TNR: variants seen among roughly 807,000 people sequenced by gnomAD.
TNR encodes tenascin-R.
A neutral mutation model predicts 150.4 loss-of-function variants in TNR; 45 were observed. The ratio of observed to expected loss-of-function variants is 0.30; its 90% CI spans 0.24 to 0.38. The LOEUF (loss-of-function observed/expected upper bound fraction) is 0.38, where lower values mean the gene tolerates loss of function less well. Among genes scored for constraint, TNR ranks in the 10% least tolerant of loss-of-function variants. The pLI is 1.00. For missense variants in TNR, 1,544 were observed against 1,759.1 expected (o/e 0.88, Z 2.19); for synonymous variants, 687 against 678.4 (o/e 1.01, Z -0.20).
At chr1:175,535,564 T>C (rs7514033) in intron 1 of TNR, among the ~76,000 whole-genome samples, 98,419 of 151,552 alleles carry the variant, frequency 0.65, 32,243 homozygotes, top group Admixed American at 0.71. Flanking sequence ...GGGTTCACGC[T>C]ATTCTCCTGC....
intron 2 of TNR, among the ~76,000 whole-genome samples, chr1:175,495,371 G>A (rs895024126): frequency 2.0e-5 from 3 of 152,172 alleles, no homozygotes; most frequent in Non-Finnish European, 2.9e-5. Flanking sequence ...CACAGTGCCT[G>A]CTTCATAGTG....
chr1:175,552,248 G>T (rs886398046), intron 1 of TNR, among the ~76,000 whole-genome samples: 2 of 152,166 alleles, frequency 1.3e-5, no homozygotes, highest in African/African-American at 4.8e-5. Flanking sequence ...CCATGGTAGG[G>T]GTGGGAGGTG....
chr1:175,711,010 C>A (rs972032882), intron 1 of TNR, among the ~76,000 whole-genome samples: 1 of 152,068 alleles, frequency 6.6e-6, no homozygotes, highest in Non-Finnish European at 1.5e-5. Flanking sequence ...CTCTTACCTG[C>A]TAAGGAGGAA....
At chr1:175,362,289 T>C (rs1237961177) in intron 14 of TNR, among the ~76,000 whole-genome samples, 1 of 152,222 alleles carries the variant, frequency 6.6e-6, no homozygotes, top group African/African-American at 2.4e-5. Flanking sequence ...ATTCCATTAC[T>C]GGAATAACAA....
At chr1:175,736,211 C>T (rs1558097798) in intron 1 of TNR, among the ~76,000 whole-genome samples, 2 of 151,880 alleles carry the variant, frequency 1.3e-5, no homozygotes, top group South Asian at 4.1e-4. Flanking sequence ...ATTTAATTCT[C>T]ACAAAAAAAA....
intron 1 of TNR, among the ~76,000 whole-genome samples, chr1:175,533,267 C>A (rs965916077): frequency 1.3e-5 from 2 of 152,148 alleles, no homozygotes; most frequent in African/African-American, 4.8e-5. Context: ...TATTTCTTTA[C>A]GGGGTTGCTA....
At chr1:175,402,313 CAAAAAA>C (rs149037374) in intron 4 of TNR, among the ~76,000 whole-genome samples, 3 of 41,692 alleles carry the variant, frequency 7.2e-5, no homozygotes, top group African/African-American at 1.0e-4. Flanking sequence ...GACTCCGTCT[CAAAAAA>C]AAAAAAAAAA....
intron 2 of TNR, among the ~76,000 whole-genome samples, chr1:175,465,769 G>A (rs919774663): frequency 0.081 from 12 of 148 alleles, no homozygotes; most frequent in Admixed American, 0.22. Flanking sequence ...CACTGGCCCC[G>A]CAAAGGCAAG....
chr1:175,362,697 C>T lies in TNR; in HGVS notation c.2820G>A (p.Glu940=). 1 of 1,614,128 alleles carries T rather than the reference C, an allele frequency of 6.2e-7. No homozygotes were observed. The highest frequency in any genetic ancestry group is 1.1e-5 in the South Asian group (1 of 91,072). The change falls in exon 14 of 23, where the codon GAG becomes GAA. Residue 940 remains glutamate, a synonymous_variant. Coordinates refer to ENST00000367674, the MANE Select transcript of TNR (RefSeq NM_003285.3). ...EISLNSVRGR[E]ESERICTLVH... ...CAAGAGTACAGATGCGCTCGCTTTC[C>T]TCCCTGCCCCGCACGCTGTTGAGGC...
At chr1:175,600,948 C>T (rs1240784017) in intron 1 of TNR, among the ~76,000 whole-genome samples, 1 of 152,246 alleles carries the variant, frequency 6.6e-6, no homozygotes, top group African/African-American at 2.4e-5. Context: ...TGCATTTCCT[C>T]TGACAGTTCC....
chr1:175,670,375 T>C (rs1665661269), intron 1 of TNR, among the ~76,000 whole-genome samples: 1 of 152,018 alleles, frequency 6.6e-6, no homozygotes, highest in Non-Finnish European at 1.5e-5. Context: ...ACAGCATCCC[T>C]CAGAAGAGGG....
chr1:175,403,152 C>T lies in TNR; in HGVS notation c.964G>A (p.Asp322Asn). Reference protein sequence around the residue: ...CVCEEGYQGPDCSAVAPPEDL... With the variant: ...CVCEEGYQGPNCSAVAPPEDL... ...TTCCCCTGCCTACCTGCTGAGCAGT[C>T]AGGGCCCTGGTAGCCCTCTTCACAG... The change falls in exon 4 of 23, where the codon GAC becomes AAC. Residue 322 changes from aspartate (D) to asparagine (N), a missense_variant. Asp to Asn is a conservative substitution (Grantham distance 23). This residue lies in a region of TNR where 1,254 missense variants were observed against 1,329.4 expected (regional missense o/e 0.94). Coordinates refer to ENST00000367674, the MANE Select transcript of TNR (RefSeq NM_003285.3). 1 of 1,611,776 alleles carries T rather than the reference C, an allele frequency of 6.2e-7. No homozygotes were observed. The highest frequency in any genetic ancestry group is 8.5e-7 in the Non-Finnish European group (1 of 1,178,224).
chr1:175,625,618 G>C (rs777459679), intron 1 of TNR, among the ~76,000 whole-genome samples: 17 of 152,232 alleles, frequency 1.1e-4, no homozygotes, highest in Non-Finnish European at 2.9e-5. Context: ...TCACCACCCT[G>C]TTCTCAATAG....
At chr1:175,516,844 GTTTTC>G (rs1183135772) in intron 2 of TNR, among the ~76,000 whole-genome samples, 3 of 152,112 alleles carry the variant, frequency 2.0e-5, no homozygotes, top group Non-Finnish European at 2.9e-5. Context: ...AATTATGCCT[GTTTTC>G]TTTGTTGATA....
intron 15 of TNR, among the ~76,000 whole-genome samples, chr1:175,356,786 T>C (rs1202043940): frequency 1.3e-5 from 2 of 152,206 alleles, no homozygotes; most frequent in Non-Finnish European, 2.9e-5. Context: ...TCAAGTTCTC[T>C]CTCCACTAGA....
chr1:175,452,784 C>T (rs949702677), intron 2 of TNR, among the ~76,000 whole-genome samples: 1 of 152,078 alleles, frequency 6.6e-6, no homozygotes, highest in African/African-American at 2.4e-5. Context: ...TCACAATAGC[C>T]AAAAGGTGGA....
intron 1 of TNR, among the ~76,000 whole-genome samples, chr1:175,708,312 ACCCT>A (rs1666899591): frequency 6.6e-6 from 1 of 151,916 alleles, no homozygotes; most frequent in Non-Finnish European, 1.5e-5. Flanking sequence ...CCTTCCCTGA[ACCCT>A]CCTGGGGTTT....
At chr1:175,618,108 G>A (rs115321140) in intron 1 of TNR, among the ~76,000 whole-genome samples, 1,861 of 152,308 alleles carry the variant, frequency 0.012, 44 homozygotes, top group African/African-American at 0.041. Context: ...CAGTATTGGG[G>A]CAGGCTCCCT....
chr1:175,462,286 C>T (rs959054605), intron 2 of TNR, among the ~76,000 whole-genome samples: 2 of 152,034 alleles, frequency 1.3e-5, no homozygotes, highest in Admixed American at 6.6e-5. Context: ...GATTTGATGC[C>T]GACTCTAATG....
Sources: allele counts gnomAD v4.1 joint callset (sites outside exome capture counted in the v4.1 genomes callset), GRCh38; gene constraint gnomAD v4.1.1; regional missense constraint gnomAD v4.1.1; transcripts MANE v1.5; gene names NCBI Gene and HGNC (gene_info 2026-07-23, HGNC 2026-07-21).